The following BANK1 variants were observed in gnomAD, a reference collection of about 807,000 sequenced individuals.
The protein encoded by BANK1 is B-cell scaffold protein with ankyrin repeats.
In BANK1, 95 loss-of-function variants were observed where a neutral mutation model predicts 94.5. The ratio of observed to expected loss-of-function variants is 1.00; its 90% CI spans 0.85 to 1.19. The LOEUF is 1.19. BANK1 is among the 50% of genes most tolerant of loss of function. The probability of loss-of-function intolerance (pLI) is 0.00; values close to 1 mark genes in which losing one functional copy is unlikely to be tolerated. For missense variants in BANK1, 987 were observed against 932.2 expected (o/e 1.06, Z -0.77); for synonymous variants, 334 against 308.4 (o/e 1.08, Z -0.87).
At chr4:102,070,294 G>A (rs896508757) in intron 13 of BANK1, among the ~76,000 whole-genome samples, 3 of 152,068 alleles carry the variant, frequency 2.0e-5, no homozygotes, top group African/African-American at 4.8e-5. Flanking sequence ...CTTCCCTAAG[G>A]GTGAACTGCC....
At position 101,951,050 on chromosome 4, in the gene BANK1, A is replaced by T. The variant is rs552773999; in HGVS notation, c.1206+32861A>T. Among the ~76,000 whole-genome samples, 421 of 152,292 alleles carry T rather than the reference A, an allele frequency of 2.8e-3. 2 individuals are homozygous for T. The highest frequency in any genetic ancestry group is 9.8e-3 in the African/African-American group (409 of 41,568). Reference sequence around the variant, plus strand: ...GTAGTATCCTGGATGGAACCTTGGAACAGAAAAAGGCCATTAGGTAAAAAC... The same window carrying T: ...GTAGTATCCTGGATGGAACCTTGGATCAGAAAAAGGCCATTAGGTAAAAAC... On this transcript the variant is annotated intron_variant, in intron 7 of 16. Transcript: ENST00000322953.
chr4:101,903,925 T>C lies in BANK1; in HGVS notation c.1009+8515T>C, dbSNP rs117283214. Among the ~76,000 whole-genome samples, 46 of 152,270 alleles carry C rather than the reference T, an allele frequency of 3.0e-4. 1 individual carries two copies. The East Asian group carries it at 7.9e-3, about 26-fold the overall frequency. On this transcript the variant is annotated intron_variant, in intron 6 of 16. Coordinates refer to ENST00000322953, the MANE Select transcript of BANK1 (RefSeq NM_017935.5). ...TTGAATTTTGCAAGTGACCAAAACATTGGAGTAAAATTTCTCGAGTGGTGG... is the reference window on the plus strand; with the variant it reads ...TTGAATTTTGCAAGTGACCAAAACACTGGAGTAAAATTTCTCGAGTGGTGG...
chr4:102,034,901 G>A (rs1027334374), intron 10 of BANK1, among the ~76,000 whole-genome samples: 4 of 152,112 alleles, frequency 2.6e-5, no homozygotes, highest in African/African-American at 9.7e-5. Context: ...TTTATTCCTG[G>A]ATTACTTGTT....
intron 1 of BANK1, among the ~76,000 whole-genome samples, chr4:101,826,648 G>C (rs1475393730): frequency 6.6e-6 from 1 of 151,818 alleles, no homozygotes; most frequent in Non-Finnish European, 1.5e-5. Flanking sequence ...AAGTTATTTA[G>C]CATCCAGGCT....
At chr4:101,900,152 A>T (rs552190511) in intron 6 of BANK1, among the ~76,000 whole-genome samples, 1 of 152,330 alleles carries the variant, frequency 6.6e-6, no homozygotes, top group East Asian at 1.9e-4. Context: ...TTATTCATTC[A>T]TTTATGTAAC....
chr4:101,914,926 A>G (rs1165350824), intron 6 of BANK1, among the ~76,000 whole-genome samples: 4 of 152,178 alleles, frequency 2.6e-5, no homozygotes, highest in African/African-American at 4.8e-5. Flanking sequence ...CAAACAGGAC[A>G]TTTGTTTACA....
intron 4 of BANK1, among the ~76,000 whole-genome samples, chr4:101,867,485 T>A (rs1728118166): frequency 6.6e-6 from 1 of 151,916 alleles, no homozygotes; most frequent in Non-Finnish European, 1.5e-5. Flanking sequence ...GCATAGAGAA[T>A]AAATGAATGA....
intron 1 of BANK1, among the ~76,000 whole-genome samples, chr4:101,816,124 A>G (rs1725905808): frequency 6.6e-6 from 1 of 152,220 alleles, no homozygotes; most frequent in Admixed American, 6.5e-5. Context: ...CCTCATCTGT[A>G]GCTCTAAAAG....
chr4:101,968,174 T>TA (rs2148921895), intron 7 of BANK1, among the ~76,000 whole-genome samples: 1 of 152,180 alleles, frequency 6.6e-6, no homozygotes, highest in African/African-American at 2.4e-5. Context: ...CATTGAGTCT[T>TA]ACGTCAAAAG....
At chr4:101,929,175 TATC>T (rs1192395905) in intron 7 of BANK1, among the ~76,000 whole-genome samples, 14 of 71,852 alleles carry the variant, frequency 1.9e-4, no homozygotes, top group Non-Finnish European at 5.5e-4. Context: ...ACTATACTAT[TATC>T]ATAATAATTC....
chr4:101,879,897 A>G (rs1483020929), intron 5 of BANK1, among the ~76,000 whole-genome samples: 1 of 152,148 alleles, frequency 6.6e-6, no homozygotes, highest in African/African-American at 2.4e-5. Context: ...ACATCCTTTC[A>G]TGGTAAAGAC....
chr4:101,878,230 C>A (rs1156839091), intron 5 of BANK1, among the ~76,000 whole-genome samples: 1 of 151,634 alleles, frequency 6.6e-6, no homozygotes, highest in African/African-American at 2.4e-5. Flanking sequence ...TCTATAAAGA[C>A]ACACATAGAC....
At chr4:102,049,823 G>A (rs1035871965) in intron 11 of BANK1, among the ~76,000 whole-genome samples, 12 of 152,236 alleles carry the variant, frequency 7.9e-5, no homozygotes, top group African/African-American at 2.9e-4. Flanking sequence ...GCAAGCATGT[G>A]CACTAAGAGG....
At position 101,933,604 on chromosome 4, in the gene BANK1, C is replaced by T. The variant is rs114367191; in HGVS notation, c.1206+15415C>T. Reference sequence around the variant, plus strand: ...ATAATTTAGCATATATAATGTTATACTGATGACTGTCAAAGAAAATGTTGA... The same window carrying T: ...ATAATTTAGCATATATAATGTTATATTGATGACTGTCAAAGAAAATGTTGA... On this transcript the variant is annotated intron_variant, in intron 7 of 16. Transcript: ENST00000322953. 7.6e-3 allele frequency among the ~76,000 whole-genome samples: 1,149 copies of T among 151,596 alleles called. 19 individuals are homozygous for T. The highest frequency in any genetic ancestry group is 0.027 in the African/African-American group (1,100 of 41,448).
chr4:102,067,957 G>T (rs72688506), intron 13 of BANK1, among the ~76,000 whole-genome samples: 43,756 of 151,892 alleles, frequency 0.29, 7,727 homozygotes, highest in South Asian at 0.44. Context: ...TTCTCTAAAA[G>T]ATTTCAGTCT....
chr4:101,876,983 A>G (rs1185014001), intron 5 of BANK1, among the ~76,000 whole-genome samples: 4 of 151,896 alleles, frequency 2.6e-5, no homozygotes, highest in Non-Finnish European at 4.4e-5. Context: ...AAGACAGGCT[A>G]TTTGAAGATA....
intron 1 of BANK1, among the ~76,000 whole-genome samples, chr4:101,798,080 G>T (rs1725219946): frequency 6.6e-6 from 1 of 152,134 alleles, no homozygotes; most frequent in South Asian, 2.1e-4. Context: ...ATGGTGAACT[G>T]GCCCAAATTC....
chr4:101,927,330 A>T lies in BANK1; in HGVS notation c.1206+9141A>T, dbSNP rs141555272. On this transcript the variant is annotated intron_variant, in intron 7 of 16. Transcript: ENST00000322953. ...CTGCCTCATGATCTGATCACCTCCC[A>T]CCTGGTCCCACCCTGGACATATGGG... 1.2e-3 allele frequency among the ~76,000 whole-genome samples: 175 copies of T among 151,756 alleles called. 2 individuals are homozygous for T. Among genetic ancestry groups the T allele is most frequent in the Middle Eastern group, 6.8e-3 (2 of 294 alleles).
chr4:101,882,509 G>T (rs964196692), intron 5 of BANK1, among the ~76,000 whole-genome samples: 5 of 152,022 alleles, frequency 3.3e-5, no homozygotes, highest in Admixed American at 2.0e-4. Context: ...ATTCAAAAAG[G>T]CCTGAGATAG....
Sources: gnomAD v4.1 joint callset for allele counts (sites outside exome capture counted in the v4.1 genomes callset) on GRCh38, gnomAD v4.1.1 for gene constraint, MANE v1.5 for transcripts, NCBI Gene and HGNC (gene_info 2026-07-23, HGNC 2026-07-21) for gene names.